IGFN1: variants seen among roughly 807,000 people sequenced by gnomAD.
IGFN1 encodes immunoglobulin like and fibronectin type III domain containing 1, also known as immunoglobulin-like and fibronectin type III domain-containing protein 1.
IGFN1 carries 253 observed loss-of-function variants against 289.5 expected under a neutral mutation model. The ratio of observed to expected loss-of-function variants is 0.87; its 90% CI spans 0.79 to 0.97. The LOEUF (loss-of-function observed/expected upper bound fraction) is 0.97, where lower values mean the gene tolerates loss of function less well. IGFN1 is among the 50% of genes least tolerant of loss of function. IGFN1 has a pLI of 0.00. For missense variants in IGFN1, 4,470 were observed against 4,686.1 expected (o/e 0.95, Z 1.35); for synonymous variants, 1,706 against 1,788.5 (o/e 0.95, Z 1.16).
At chr1:201,202,909 C>T (rs538345673) in intron 9 of IGFN1, among the ~76,000 whole-genome samples, 21 of 151,994 alleles carry the variant, frequency 1.4e-4, no homozygotes, top group African/African-American at 5.1e-4. Flanking sequence ...GTGTTTGCCA[C>T]CACACCCAGC....
intron 22 of IGFN1, among the ~76,000 whole-genome samples, chr1:201,226,465 C>T (rs1654105940): frequency 2.0e-5 from 3 of 152,036 alleles, no homozygotes; most frequent in Non-Finnish European, 4.4e-5. Flanking sequence ...TATATTTTAC[C>T]GCAAAGTAGA....
Position 201,194,217 on chromosome 1 carries a change from AAG to A in IGFN1, c.72_73del (p.Gly25LeufsTer7). 1 of 1,551,552 alleles carries A rather than the reference AAG, an allele frequency of 6.4e-7. No homozygotes were observed. Among genetic ancestry groups the A allele is most frequent in the Non-Finnish European group, 8.7e-7 (1 of 1,146,934 alleles). ...TGGCAGCTGGTGGAGGAGATCCCTG[AAG>A]GCTGCAGCACGCCGGACTTTGAGCA... is the stretch of plus-strand genomic sequence containing the variant. On this transcript the variant is annotated frameshift_variant, in exon 3 of 24. Transcript: ENST00000335211. LOFTEE classifies it high-confidence loss of function.
chr1:201,216,274 T>A (rs1024666331), intron 15 of IGFN1, 180 bp from the exon 16 acceptor site: 129 of 603,282 alleles, frequency 2.1e-4, no homozygotes, highest in East Asian at 1.9e-4. Context: ...CTCAAGAATG[T>A]GTGGCCCTCT....
At chr1:201,194,041 C>G (rs377733054) in intron 2 of IGFN1, 113 bp from the exon 3 acceptor site, 4 of 1,250,018 alleles carry the variant, frequency 3.2e-6, no homozygotes, top group Non-Finnish European at 4.4e-6. Context: ...AAAGTAGGAG[C>G]GAGAAGGGGC....
intron 1 of IGFN1, 78 bp from the exon 2 acceptor site, chr1:201,193,169 C>A (rs779366642): frequency 1.4e-6 from 1 of 712,872 alleles, no homozygotes; most frequent in Non-Finnish European, 2.5e-6. Context: ...CAGACATTGG[C>A]TGATGCACTG....
chr1:201,205,202 G>A lies in IGFN1; in HGVS notation c.1037G>A (p.Arg346Gln), dbSNP rs1042599104. Residue 346 changes from arginine (R) to glutamine (Q), a missense_variant, in exon 11 of 24, where the codon CGG (arginine) becomes CAG (glutamine). Coordinates refer to ENST00000335211, the MANE Select transcript of IGFN1 (RefSeq NM_001164586.2). ...AGTGCAGCCTGGCATTTCCGGCACC[G>A]GCTACTCCACCCCAGTGACAAATAT... is the stretch of plus-strand genomic sequence containing the variant. Reference protein sequence around the residue: ...CPSAAWHFRHRLLHPSDKYEV... With the variant: ...CPSAAWHFRHQLLHPSDKYEV... The A allele has an allele frequency of 4.8e-5, 74 of 1,551,092 alleles. No homozygotes were observed. Among genetic ancestry groups the A allele is most frequent in the South Asian group, 5.9e-5 (5 of 84,060 alleles).
chr1:201,222,954 GA>G, intron 20 of IGFN1, 127 bp downstream of exon 20: 1 of 563,636 alleles, frequency 1.8e-6, no homozygotes, highest in Non-Finnish European at 3.2e-6. Flanking sequence ...GGAAATCACT[GA>G]CTGGGCTTGT....
Position 201,211,213 on chromosome 1 carries a change from G to A in IGFN1, c.6320G>A (p.Arg2107Lys). The change falls in exon 12 of 24, where the codon AGG (arginine) becomes AAG (lysine). Residue 2107 changes from arginine to lysine, a missense_variant. Around this residue, in one of 8 missense-constraint regions of IGFN1, gnomAD observed 2,218 missense variants for 2,114.1 expected, o/e 1.05. Transcript: ENST00000335211. ...EMESMDEAGYRKDLGAPEGIG... is the reference protein window; with the variant it reads ...EMESMDEAGYKKDLGAPEGIG... Reference sequence around the variant, plus strand: ...GAGTCAATGGATGAGGCAGGTTATAGGAAGGATTTGGGGGCTCCTGAGGGA... The same window carrying A: ...GAGTCAATGGATGAGGCAGGTTATAAGAAGGATTTGGGGGCTCCTGAGGGA... The A allele has an allele frequency of 6.5e-7, 1 of 1,533,390 alleles. No homozygotes were observed. Among genetic ancestry groups the A allele is most frequent in the Non-Finnish European group, 8.7e-7 (1 of 1,145,150 alleles). 95.0% of individuals were successfully genotyped at this position (1,533,390 alleles called of 1,614,324 possible). A position where few individuals can be genotyped will look rare whatever the true frequency, so the allele number is the denominator to read the frequency against.
rs536698563 is a variant in IGFN1, at chr1:201,206,790, G to GC, written c.1897_1898insC (p.Asp633AlafsTer5). On this transcript the variant is annotated frameshift_variant, in exon 12 of 24. Transcript: ENST00000335211. LOFTEE classifies it high-confidence loss of function. ...AAAGCAGATAGAGATTTCACAGGAT[G>GC]ACAGCCTGGCTGAGATGGACAGAGG... is the stretch of plus-strand genomic sequence containing the variant. 1.5e-3 allele frequency: 2,273 copies of GC among 1,536,918 alleles called. No individual in the cohort carries two copies. The highest frequency in any genetic ancestry group is 1.6e-3 in the Non-Finnish European group (1,848 of 1,146,908).
In IGFN1 at chr1:201,211,705, GT is replaced by G. The variant is rs1416907051; in HGVS notation, c.6815del (p.Leu2272Ter). ...GSGSYTDYRN[G>X]LGSSGKISSG... ...GGCAGTTACACAGATTACAGGAATGGTTTAGGCAGTTCTGGAAAAATCAGTT... is the reference window on the plus strand; with the variant it reads ...GGCAGTTACACAGATTACAGGAATGGTTAGGCAGTTCTGGAAAAATCAGTT... On this transcript the variant is annotated frameshift_variant, in exon 12 of 24. Coordinates refer to ENST00000335211, the MANE Select transcript of IGFN1 (RefSeq NM_001164586.2). LOFTEE classifies it high-confidence loss of function. 2 of 1,536,860 alleles carry G rather than the reference GT, an allele frequency of 1.3e-6. No individual in the cohort carries two copies. Among genetic ancestry groups the G allele is most frequent in the Non-Finnish European group, 1.7e-6 (2 of 1,146,794 alleles).
Position 201,211,098 on chromosome 1 carries a change from G to T in IGFN1, c.6205G>T (p.Gly2069Cys). The T allele has an allele frequency of 6.6e-7, 1 of 1,508,014 alleles. No homozygotes were observed. The highest frequency in any genetic ancestry group is 1.4e-5 in the African/African-American group (1 of 71,328). 93.4% of individuals were successfully genotyped at this position (1,508,014 alleles called of 1,614,324 possible). Residue 2069 changes from glycine to cysteine, a missense_variant, in exon 12 of 24, where the codon GGT (glycine) becomes TGT (cysteine). Coordinates refer to ENST00000335211, the MANE Select transcript of IGFN1 (RefSeq NM_001164586.2). Reference sequence around the variant, plus strand: ...AGAAATGGGGTCAGTGAATGAGGCAGGTTATAGGAAGGATTTAGGGGCTCC... The same window carrying T: ...AGAAATGGGGTCAGTGAATGAGGCATGTTATAGGAAGGATTTAGGGGCTCC... ...SVEMGSVNEA[G>C]YRKDLGAPKG...
At position 201,201,855 on chromosome 1, in the gene IGFN1, TG is replaced by T. The variant is rs200458348; in HGVS notation, c.747+30del. 757 of 745,572 alleles carry T rather than the reference TG, an allele frequency of 1.0e-3. 5 individuals carry two copies. The highest frequency in any genetic ancestry group is 1.5e-3 in the Non-Finnish European group (658 of 429,150). The allele number at this position is 745,572 out of a possible 1,614,324, so 46.2% of individuals were successfully genotyped here. A position where few individuals can be genotyped will look rare whatever the true frequency, so the allele number is the denominator to read the frequency against. On this transcript the variant is annotated intron_variant, in intron 9 of 23. Transcript: ENST00000335211. ...AAGGTGAGGCTGGAGGGGCTATGGG[TG>T]GGGGGGATCTGGCAGGGATGCTTCA... is the stretch of plus-strand genomic sequence containing the variant.
At position 201,223,544 on chromosome 1, in the gene IGFN1, T is replaced by C. The variant is rs150787412; in HGVS notation, c.10290+717T>C. Among the ~76,000 whole-genome samples, 622 of 152,198 alleles carry C rather than the reference T, an allele frequency of 4.1e-3. 8 individuals are homozygous for C. The highest frequency in any genetic ancestry group is 0.014 in the African/African-American group (595 of 41,522). On this transcript the variant is annotated intron_variant, in intron 20 of 23. Coordinates refer to ENST00000335211, the MANE Select transcript of IGFN1 (RefSeq NM_001164586.2). The stretch of plus-strand genomic sequence containing the variant: ...TGCCATCACGCCCGGCTAATTTTTG[T>C]ATTTTTAGTAGAGATGGGGTTTCGC...
At chr1:201,216,045 G>A (rs372188140) in intron 15 of IGFN1, 29 of 726,876 alleles carry the variant, frequency 4.0e-5, no homozygotes, top group Middle Eastern at 2.3e-4. Flanking sequence ...CTCCTGCTGG[G>A]GGGGAGGAGC....
chr1:201,213,906 C>G (rs149304750), intron 12 of IGFN1, among the ~76,000 whole-genome samples: 1 of 152,300 alleles, frequency 6.6e-6, no homozygotes, highest in East Asian at 1.9e-4. Context: ...CTGTGGGTTA[C>G]CAGACTTCTC....
intron 10 of IGFN1, 127 bp downstream of exon 10, chr1:201,204,033 G>T: frequency 2.3e-6 from 2 of 881,824 alleles, no homozygotes; most frequent in Admixed American, 2.8e-5. Flanking sequence ...AATTGGGAGA[G>T]GGACACATAC....
intron 8 of IGFN1, 101 bp from the exon 9 acceptor site, chr1:201,201,618 A>G: frequency 1.6e-6 from 1 of 645,148 alleles, no homozygotes; most frequent in South Asian, 1.9e-5. Context: ...CTCATCTGGA[A>G]CGCTGTGGGC....
intron 5 of IGFN1, 107 bp downstream of exon 5, chr1:201,197,424 C>G: frequency 1.4e-6 from 1 of 722,110 alleles, no homozygotes; most frequent in South Asian, 1.6e-5. Context: ...AAGGGAGGCC[C>G]ATCCAGGCTG....
In IGFN1 at chr1:201,228,576, A is replaced by T; in HGVS notation, c.*177A>T. 2.9e-6 allele frequency: 2 copies of T among 678,814 alleles called. No individual in the cohort carries two copies. Among genetic ancestry groups the T allele is most frequent in the Non-Finnish European group, 5.3e-6 (2 of 377,914 alleles). The allele number at this position is 678,814 out of a possible 1,614,324, so 42.0% of individuals were successfully genotyped here. On this transcript the variant is annotated 3_prime_UTR_variant, in exon 24 of 24. Transcript: ENST00000335211. ...GACGTGAAGTCCTTGGGGAAGAAAA[A>T]CAAGGGAGGAGGGCATTCCACCTCC...
Sources: gnomAD v4.1 joint callset for allele counts (sites outside exome capture counted in the v4.1 genomes callset) on GRCh38, gnomAD v4.1.1 for gene constraint, gnomAD v4.1.1 regional missense constraint, MANE v1.5 for transcripts, NCBI Gene and HGNC (gene_info 2026-07-23, HGNC 2026-07-21) for gene names.